Variants in ZDHHC5 observed in about 807,000 individuals in gnomAD.
ZDHHC5 encodes zDHHC palmitoyltransferase 5.
Under a neutral mutation model 70.0 loss-of-function variants are expected in ZDHHC5, and 22 were observed. That is an observed-to-expected ratio of 0.31 (90% CI 0.22 to 0.45). The LOEUF (loss-of-function observed/expected upper bound fraction) is 0.45. ZDHHC5 is among the 20% of genes least tolerant of loss of function. ZDHHC5 has a pLI of 1.00. For synonymous variants in ZDHHC5, 313 were observed against 347.8 expected (o/e 0.90, Z 1.11); for missense variants, 746 against 926.9 (o/e 0.80, Z 2.53).
rs749401671 is a variant in ZDHHC5, at chr11:57,699,040, A to G, written c.1604A>G (p.Asn535Ser). The G allele has an allele frequency of 1.5e-5, 24 of 1,611,946 alleles. No homozygotes were observed. The highest frequency in any genetic ancestry group is 8.0e-5 in the African/African-American group (6 of 74,908). The change falls in exon 11 of 12, where the codon AAT (asparagine) becomes AGT (serine). Residue 535 changes from asparagine (N) to serine (S), a missense_variant. This residue lies in a region of ZDHHC5 where 340 missense variants were observed against 350.1 expected (regional missense o/e 0.97). Coordinates refer to ENST00000287169, the MANE Select transcript of ZDHHC5 (RefSeq NM_015457.3). ...GAGCCCTCACCAGTCCGTTACGACAATCTGTCGCGCCACATTGTGGCCTCT... is the reference window on the plus strand; with the variant it reads ...GAGCCCTCACCAGTCCGTTACGACAGTCTGTCGCGCCACATTGTGGCCTCT... ...HREPSPVRYD[N>S]LSRHIVASLQ...
intron 3 of ZDHHC5, 146 bp from the exon 4 acceptor site, chr11:57,688,362 A>G: frequency 2.2e-6 from 2 of 919,514 alleles, no homozygotes; most frequent in South Asian, 3.2e-5. Flanking sequence ...ACCTGACCTC[A>G]CAGTCTTATA....
At chr11:57,699,559 C>G in intron 11 of ZDHHC5, 141 bp downstream of exon 11, 1 of 1,296,800 alleles carries the variant, frequency 7.7e-7, no homozygotes, top group Admixed American at 2.6e-5. Flanking sequence ...CACTTTGACT[C>G]TACCTGCCTT....
chr11:57,682,394 C>T (rs1436749694), intron 2 of ZDHHC5, 28 bp from the exon 3 acceptor site: 1 of 1,589,400 alleles, frequency 6.3e-7, no homozygotes, highest in South Asian at 1.1e-5. Flanking sequence ...TTAGAGGCAA[C>T]CCCTCATTTT....
intron 6 of ZDHHC5, 86 bp downstream of exon 6, chr11:57,690,523 A>G: frequency 2.2e-6 from 3 of 1,345,138 alleles, no homozygotes; most frequent in Non-Finnish European, 3.2e-6. Flanking sequence ...GTGCTTCCAC[A>G]AAGAGATGCT....
At chr11:57,682,330 G>C in intron 2 of ZDHHC5, 92 bp from the exon 3 acceptor site, 1 of 1,469,322 alleles carries the variant, frequency 6.8e-7, no homozygotes, top group Non-Finnish European at 9.1e-7. Flanking sequence ...TTTATCTATA[G>C]GTAAGGGGCT....
intron 2 of ZDHHC5, among the ~76,000 whole-genome samples, chr11:57,677,390 G>A (rs936079832): frequency 3.3e-5 from 5 of 149,532 alleles, no homozygotes; most frequent in Non-Finnish European, 7.4e-5. Context: ...GGGTTCAAGC[G>A]ATTCTCCTGC....
chr11:57,685,109 T>C (rs534479932), intron 3 of ZDHHC5, among the ~76,000 whole-genome samples: 2 of 152,144 alleles, frequency 1.3e-5, no homozygotes, highest in South Asian at 2.1e-4. Flanking sequence ...GATTGTGCCA[T>C]TGCACTCCAG....
At chr11:57,692,509 C>A in intron 6 of ZDHHC5, 102 bp from the exon 7 acceptor site, 2 of 918,192 alleles carry the variant, frequency 2.2e-6, no homozygotes, top group Non-Finnish European at 3.4e-6. Context: ...ATTTGCATAG[C>A]CCTCAGATAG....
chr11:57,689,417 G>A (rs1946252067), intron 4 of ZDHHC5, among the ~76,000 whole-genome samples: 1 of 151,626 alleles, frequency 6.6e-6, no homozygotes. Flanking sequence ...TCGCTCTGTT[G>A]CCCAGGCTGG....
intron 9 of ZDHHC5, among the ~76,000 whole-genome samples, chr11:57,696,245 C>T (rs1384398542): frequency 1.3e-5 from 2 of 152,144 alleles, no homozygotes; most frequent in Admixed American, 1.3e-4. Flanking sequence ...GGACTTTTGC[C>T]GGGAAAATGG....
In ZDHHC5 at chr11:57,699,188, TTCC is replaced by T; in HGVS notation, c.1758_1760del (p.Ser587del). The T allele has an allele frequency of 6.2e-7, 1 of 1,614,232 alleles. No individual in the cohort carries two copies. The highest frequency in any genetic ancestry group is 8.5e-7 in the Non-Finnish European group (1 of 1,180,030). On this transcript the variant is annotated inframe_deletion, in exon 11 of 12. Coordinates refer to ENST00000287169, the MANE Select transcript of ZDHHC5 (RefSeq NM_015457.3). ...GCTCGGGCCATGCCCCTCGTACTAGTTCCTCCTCAGATGATTCAAAGAGATCAC... is the reference window on the plus strand; with the variant it reads ...GCTCGGGCCATGCCCCTCGTACTAGTTCCTCAGATGATTCAAAGAGATCAC...
rs561841369 is a variant in ZDHHC5 at position 57,682,625 on chromosome 11, C to T, written c.226+82C>T. The stretch of plus-strand genomic sequence containing the variant: ...TGGCCATACACAGTTGATCTTGGGC[C>T]TTAAGAGTCCTGGGATTTTGGGATA... On this transcript the variant is annotated intron_variant, in intron 3 of 11. Transcript: ENST00000287169. The T allele has an allele frequency of 6.1e-6, 9 of 1,474,250 alleles. No homozygotes were observed. The African/African-American group carries it at 1.1e-4, about 18-fold the overall frequency. The allele number at this position is 1,474,250 out of a possible 1,614,324, so 91.3% of individuals were successfully genotyped here.
intron 2 of ZDHHC5, among the ~76,000 whole-genome samples, chr11:57,675,935 T>C (rs11229091): frequency 0.013 from 2,031 of 152,354 alleles, 26 homozygotes; most frequent in Non-Finnish European, 0.021. Context: ...CTCTCTGAAC[T>C]AGCTCCTATG....
chr11:57,686,084 A>T (rs1444557971), intron 3 of ZDHHC5, among the ~76,000 whole-genome samples: 3 of 152,168 alleles, frequency 2.0e-5, no homozygotes, highest in Non-Finnish European at 4.4e-5. Flanking sequence ...CTTCTGGTAG[A>T]TGATGATGTA....
At chr11:57,674,674 A>C (rs576498585) in intron 2 of ZDHHC5, among the ~76,000 whole-genome samples, 1 of 151,788 alleles carries the variant, frequency 6.6e-6, no homozygotes, top group Non-Finnish European at 1.5e-5. Flanking sequence ...GGGAAGGAAA[A>C]CTCCCCATAT....
chr11:57,677,876 C>T (rs1448863588), intron 2 of ZDHHC5, among the ~76,000 whole-genome samples: 1 of 152,148 alleles, frequency 6.6e-6, no homozygotes, highest in African/African-American at 2.4e-5. Flanking sequence ...GTTTTCTTAT[C>T]CAGGAATAAG....
At chr11:57,687,756 G>GTTTTTTTTTTTTTTTTTTTTTT (rs746146074) in intron 3 of ZDHHC5, among the ~76,000 whole-genome samples, 1 of 75,274 alleles carries the variant, frequency 1.3e-5, no homozygotes, top group African/African-American at 5.2e-5. Context: ...TTTTGGGAAA[G>GTTTTTTTTTTTTTTTTTTTTTT]TTTTTTTTTT....
intron 10 of ZDHHC5, among the ~76,000 whole-genome samples, chr11:57,697,318 CCAGGCATGGTGG>C (rs1946365642): frequency 6.6e-6 from 1 of 152,048 alleles, no homozygotes; most frequent in Admixed American, 6.6e-5. Context: ...AAAAAATTAG[CCAGGCATGGTGG>C]CAGGTGCCTG....
chr11:57,696,101 C>A (rs191198611), intron 9 of ZDHHC5, 58 bp downstream of exon 9: 4 of 1,560,840 alleles, frequency 2.6e-6, no homozygotes, highest in Non-Finnish European at 3.5e-6. Flanking sequence ...GAGAAGGTTG[C>A]TTATGAGCTG....
Sources: allele counts gnomAD v4.1 joint callset (sites outside exome capture counted in the v4.1 genomes callset), GRCh38; gene constraint gnomAD v4.1.1; regional missense constraint gnomAD v4.1.1; transcripts MANE v1.5; gene names NCBI Gene and HGNC (gene_info 2026-07-23, HGNC 2026-07-21).